The following L3MBTL4 variants were observed in gnomAD, a reference collection of about 807,000 sequenced individuals.
The protein encoded by L3MBTL4 is L3MBTL histone methyl-lysine binding protein 4, also known as lethal(3)malignant brain tumor-like protein 4.
Under a neutral mutation model 84.5 loss-of-function variants are expected in L3MBTL4, and 70 were observed. That is an observed-to-expected ratio of 0.83 (90% CI 0.68 to 1.01). The LOEUF is 1.01. Among genes scored for constraint, L3MBTL4 ranks in the 50% least tolerant of loss-of-function variants. The probability of loss-of-function intolerance (pLI) is 0.00; values close to 1 mark genes in which losing one functional copy is unlikely to be tolerated. For synonymous variants in L3MBTL4, 274 were observed against 259.8 expected (o/e 1.05, Z -0.52); for missense variants, 715 against 754.8 (o/e 0.95, Z 0.62).
At chr18:5,984,852 G>A (rs1244072462) in intron 16 of L3MBTL4, among the ~76,000 whole-genome samples, 3 of 152,058 alleles carry the variant, frequency 2.0e-5, no homozygotes, top group Non-Finnish European at 2.9e-5. Context: ...TTTCAGAAGG[G>A]AAAATTTTTA....
chr18:6,221,707 G>T (rs1026579442), intron 10 of L3MBTL4, among the ~76,000 whole-genome samples: 9 of 152,176 alleles, frequency 5.9e-5, no homozygotes, highest in Non-Finnish European at 1.0e-4. Flanking sequence ...TATGTGACTA[G>T]TACCAGTGCG....
At chr18:6,314,459 C>A (rs544806867) in intron 1 of L3MBTL4, among the ~76,000 whole-genome samples, 3 of 152,180 alleles carry the variant, frequency 2.0e-5, no homozygotes, top group Non-Finnish European at 2.9e-5. Context: ...GGCTTTGTGA[C>A]AATGCCCGAG....
At chr18:5,992,535 C>A (rs1220595293) in intron 16 of L3MBTL4, among the ~76,000 whole-genome samples, 1 of 152,160 alleles carries the variant, frequency 6.6e-6, no homozygotes. Context: ...CCTGCCCCCA[C>A]CCAAATCTCA....
intron 15 of L3MBTL4, chr18:6,081,333 T>G: frequency 6.2e-6 from 1 of 160,560 alleles, no homozygotes; most frequent in East Asian, 1.8e-4. Context: ...AATCAGAAGA[T>G]TATAGACACT....
intron 5 of L3MBTL4, chr18:6,260,558 A>T (rs2048354484): frequency 6.6e-6 from 1 of 151,948 alleles, no homozygotes; most frequent in East Asian, 1.9e-4. Flanking sequence ...TGTAATTGGG[A>T]TTGTGTTCTT....
intron 1 of L3MBTL4, among the ~76,000 whole-genome samples, chr18:6,352,488 T>C (rs1387787421): frequency 6.6e-6 from 1 of 152,220 alleles, no homozygotes; most frequent in Non-Finnish European, 1.5e-5. Context: ...CCATATCACA[T>C]GCTCTATCTT....
chr18:6,332,506 T>G (rs1456833593), intron 1 of L3MBTL4, among the ~76,000 whole-genome samples: 1 of 152,152 alleles, frequency 6.6e-6, no homozygotes. Flanking sequence ...CTGGCCACAG[T>G]CATTGGTTCA....
intron 14 of L3MBTL4, among the ~76,000 whole-genome samples, chr18:6,132,382 G>A (rs2059901920): frequency 6.6e-6 from 1 of 151,932 alleles, no homozygotes; most frequent in Non-Finnish European, 1.5e-5. Flanking sequence ...TGAAGCTTTT[G>A]GAGACCTTGC....
chr18:6,362,062 T>A (rs2053718144), intron 1 of L3MBTL4, among the ~76,000 whole-genome samples: 1 of 143,784 alleles, frequency 7.0e-6, no homozygotes, highest in African/African-American at 2.6e-5. Flanking sequence ...TGAGCCATGA[T>A]CACACCACTG....
chr18:6,163,399 A>T (rs1471054372), intron 13 of L3MBTL4, among the ~76,000 whole-genome samples: 1 of 151,880 alleles, frequency 6.6e-6, no homozygotes, highest in Non-Finnish European at 1.5e-5. Flanking sequence ...GGTATTTCAA[A>T]ATCAATAAAA....
intron 16 of L3MBTL4, among the ~76,000 whole-genome samples, chr18:6,040,705 A>G (rs1312281346): frequency 2.6e-5 from 4 of 152,114 alleles, no homozygotes; most frequent in African/African-American, 7.2e-5. Flanking sequence ...CCTTCATTTC[A>G]AGGTTTATGA....
At chr18:6,386,044 T>C (rs781569106) in intron 1 of L3MBTL4, among the ~76,000 whole-genome samples, 1 of 152,194 alleles carries the variant, frequency 6.6e-6, no homozygotes, top group Non-Finnish European at 1.5e-5. Context: ...GTGTTTTCCA[T>C]CCAGTAGGAG....
chr18:6,071,797 GAAAGAAAAA>G (rs1568066977), intron 16 of L3MBTL4, among the ~76,000 whole-genome samples: 6 of 137,796 alleles, frequency 4.4e-5, no homozygotes, highest in South Asian at 2.4e-4. Context: ...AAGAAAGAAA[GAAAGAAAAA>G]GAAAGAAAGG....
chr18:5,992,509 C>T (rs1471020132), intron 16 of L3MBTL4, among the ~76,000 whole-genome samples: 3 of 152,052 alleles, frequency 2.0e-5, no homozygotes, highest in East Asian at 1.9e-4. Context: ...TCACGGGGAG[C>T]GATATAGTTT....
Position 6,414,426 on chromosome 18 carries a change from C to A in L3MBTL4, c.-91+375G>T, listed in dbSNP as rs1252053033. Among the ~76,000 whole-genome samples the A allele has an allele frequency of 2.0e-5, 3 of 152,132 alleles. No individual in the cohort carries two copies. Among genetic ancestry groups the A allele is most frequent in the African/African-American group, 7.2e-5 (3 of 41,460 alleles). On this transcript the variant is annotated intron_variant, in intron 1 of 18. Coordinates refer to ENST00000317931, the MANE Select transcript of L3MBTL4 (RefSeq NM_001330559.2). The surrounding 1 kb of genome is among the most constrained non-coding windows in gnomAD (Gnocchi z 5.4). ...GGCCCTCAGGAGTCCCGTCCCGTCC[C>A]GCTCCCCCGGTCCCAGGCTGCGCTG...
chr18:5,990,066 G>A (rs1377824859), intron 16 of L3MBTL4, among the ~76,000 whole-genome samples: 3 of 152,190 alleles, frequency 2.0e-5, no homozygotes, highest in African/African-American at 7.2e-5. Flanking sequence ...GGCTCAAAAC[G>A]AGGCCTCTGA....
intron 3 of L3MBTL4, among the ~76,000 whole-genome samples, chr18:6,305,225 G>C (rs367773638): frequency 1.3e-5 from 2 of 152,298 alleles, no homozygotes; most frequent in African/African-American, 4.8e-5. Flanking sequence ...GTAGAGCAGG[G>C]AAAATGCTGA....
intron 12 of L3MBTL4, among the ~76,000 whole-genome samples, chr18:6,201,614 T>A (rs1168853117): frequency 1.3e-5 from 2 of 152,074 alleles, no homozygotes; most frequent in Non-Finnish European, 2.9e-5. Context: ...TATGTGAGAA[T>A]AGACAAAAAT....
chr18:6,098,956 C>T (rs978985659), intron 14 of L3MBTL4, among the ~76,000 whole-genome samples: 2 of 152,058 alleles, frequency 1.3e-5, no homozygotes, highest in African/African-American at 4.8e-5. Context: ...TCATACCTAT[C>T]AGATAAGGAG....
Sources: gnomAD v4.1 joint callset for allele counts (sites outside exome capture counted in the v4.1 genomes callset) on GRCh38, gnomAD v4.1.1 for gene constraint, Gnocchi (gnomAD v3.1) non-coding constraint, MANE v1.5 for transcripts, NCBI Gene and HGNC (gene_info 2026-07-23, HGNC 2026-07-21) for gene names.